IQCJ: variants seen among roughly 807,000 people sequenced by gnomAD.
IQCJ encodes the protein IQ domain-containing protein J.
In IQCJ, 9 loss-of-function variants were observed where a neutral mutation model predicts 11.0. The observed-to-expected ratio is 0.82, with a 90% CI of 0.49 to 1.43. The LOEUF (loss-of-function observed/expected upper bound fraction) is 1.43, where lower values mean the gene tolerates loss of function less well. Ranked by LOEUF, IQCJ falls within the 40% of genes most tolerant of loss-of-function variation. The probability of loss-of-function intolerance (pLI) is 0.00; values close to 1 mark genes in which losing one functional copy is unlikely to be tolerated. For missense variants in IQCJ, 146 were observed against 133.2 expected (o/e 1.10, Z -0.47); for synonymous variants, 55 against 51.3 (o/e 1.07, Z -0.31).
At chr3:159,152,752 A>C (rs1435254764) in intron 1 of IQCJ, among the ~76,000 whole-genome samples, 1 of 152,240 alleles carries the variant, frequency 6.6e-6, no homozygotes, top group Non-Finnish European at 1.5e-5. Context: ...TAAGGGAGAG[A>C]GAAAAATATA....
chr3:159,072,473 A>C (rs907273977), intron 1 of IQCJ, among the ~76,000 whole-genome samples: 38 of 152,150 alleles, frequency 2.5e-4, no homozygotes, highest in African/African-American at 8.9e-4. Context: ...AGTAAGAGGA[A>C]ATCAAATTTA....
chr3:159,069,632 C>T, intron 1 of IQCJ, 191 bp downstream of exon 1: 2 of 711,356 alleles, frequency 2.8e-6, no homozygotes, highest in Admixed American at 2.8e-5. Flanking sequence ...GGCATGTGTG[C>T]ATAAATATGT....
intron 1 of IQCJ, among the ~76,000 whole-genome samples, chr3:159,093,506 T>C (rs918350725): frequency 3.3e-5 from 5 of 151,848 alleles, no homozygotes; most frequent in Non-Finnish European, 5.9e-5. Context: ...GTTAGCTGTA[T>C]TGTGCCTTGC....
chr3:159,116,184 T>C (rs1418480718), intron 1 of IQCJ, among the ~76,000 whole-genome samples: 1 of 151,812 alleles, frequency 6.6e-6, no homozygotes, highest in East Asian at 1.9e-4. Context: ...TAGTAAGCCA[T>C]GTTAGTGCCA....
intron 1 of IQCJ, among the ~76,000 whole-genome samples, chr3:159,244,996 G>T (rs1727162695): frequency 6.6e-6 from 1 of 152,160 alleles, no homozygotes; most frequent in Non-Finnish European, 1.5e-5. Flanking sequence ...ATCCTGCCAT[G>T]ATTGATAAGA....
chr3:159,207,629 G>A (rs1040097569), intron 1 of IQCJ, among the ~76,000 whole-genome samples: 12 of 152,268 alleles, frequency 7.9e-5, no homozygotes, highest in African/African-American at 2.2e-4. Flanking sequence ...TCATATTCTC[G>A]TAGAAGTTGT....
chr3:159,091,859 GAA>G (rs1717334366), intron 1 of IQCJ, among the ~76,000 whole-genome samples: 1 of 151,780 alleles, frequency 6.6e-6, no homozygotes, highest in Non-Finnish European at 1.5e-5. Context: ...GAGAAAGGAG[GAA>G]AGAGTGGTGC....
At position 159,189,029 on chromosome 3, in the gene IQCJ, C is replaced by T. The variant is rs150487774; in HGVS notation, c.10-56814C>T. On this transcript the variant is annotated intron_variant, in intron 1 of 3. Coordinates refer to ENST00000397832, the MANE Select transcript of IQCJ (RefSeq NM_001042706.3). ...TGGGAGAGGGAATATTGTATTTAGC[C>T]TTTGGGGACTTCATGGCACATCTGA... Among the ~76,000 whole-genome samples the T allele has an allele frequency of 3.4e-3, 513 of 152,156 alleles. 1 individual carries two copies. Among genetic ancestry groups the T allele is most frequent in the Non-Finnish European group, 6.3e-3 (428 of 67,998 alleles).
intron 1 of IQCJ, among the ~76,000 whole-genome samples, chr3:159,147,694 AC>A (rs1720995658): frequency 6.6e-6 from 1 of 152,200 alleles, no homozygotes; most frequent in African/African-American, 2.4e-5. Flanking sequence ...CTGTTACCGA[AC>A]TTTTTTATCA....
chr3:159,221,667 A>T (rs889065625), intron 1 of IQCJ, among the ~76,000 whole-genome samples: 1 of 152,126 alleles, frequency 6.6e-6, no homozygotes, highest in Admixed American at 6.5e-5. Flanking sequence ...AAATTCTTCC[A>T]AGTTAAAAGA....
chr3:159,116,669 T>TATATATAC (rs1719040329), intron 1 of IQCJ, among the ~76,000 whole-genome samples: 2 of 24,106 alleles, frequency 8.3e-5, no homozygotes, highest in African/African-American at 3.6e-4. Flanking sequence ...TATATATATA[T>TATATATAC]ACACCCTTCA....
rs568993471 is a variant in IQCJ at position 159,093,842 on chromosome 3, A to C, written c.9+24401A>C. Among the ~76,000 whole-genome samples, 55 of 151,958 alleles carry C rather than the reference A, an allele frequency of 3.6e-4. 2 individuals are homozygous for C. Among genetic ancestry groups the C allele is most frequent in the African/African-American group, 1.3e-3 (53 of 41,230 alleles). ...CTTTATAAAACCATCAGATCTCCTG[A>C]GAACTTGCTCACTATCACAAGAACA... On this transcript the variant is annotated intron_variant, in intron 1 of 3. Transcript: ENST00000397832.
At chr3:159,256,291 T>G (rs1727891455) in intron 3 of IQCJ, among the ~76,000 whole-genome samples, 1 of 152,160 alleles carries the variant, frequency 6.6e-6, no homozygotes, top group Non-Finnish European at 1.5e-5. Flanking sequence ...CTCTCCTGAT[T>G]TTTATTATTA....
chr3:159,181,352 T>C (rs992307435), intron 1 of IQCJ, among the ~76,000 whole-genome samples: 1 of 149,328 alleles, frequency 6.7e-6, no homozygotes, highest in Non-Finnish European at 1.5e-5. Context: ...TGCTCTACTT[T>C]TGCTGGCATT....
rs923077085 is a variant in IQCJ, at chr3:159,254,590, A to T, written c.155+1783A>T. Among the ~76,000 whole-genome samples the T allele has an allele frequency of 3.3e-5, 5 of 152,266 alleles. No homozygotes were observed. In the East Asian group the frequency reaches 9.6e-4, roughly 29 times the overall value. ...GACTTTTGTCTGATGTGGTTATTAA[A>T]TTCTTAACTCTCATGGCAGGTTGAA... is the stretch of plus-strand genomic sequence containing the variant. On this transcript the variant is annotated intron_variant, in intron 3 of 3. Coordinates refer to ENST00000397832, the MANE Select transcript of IQCJ (RefSeq NM_001042706.3).
At chr3:159,227,739 C>G (rs1725942883) in intron 1 of IQCJ, among the ~76,000 whole-genome samples, 1 of 152,106 alleles carries the variant, frequency 6.6e-6, no homozygotes. Context: ...GAGCCTTTAC[C>G]CAAAGACTAT....
chr3:159,111,267 T>G (rs1718612430), intron 1 of IQCJ, among the ~76,000 whole-genome samples: 1 of 152,222 alleles, frequency 6.6e-6, no homozygotes, highest in African/African-American at 2.4e-5. Context: ...ATCGAAATGA[T>G]TTTCTAATTT....
chr3:159,232,601 T>A (rs1038726716), intron 1 of IQCJ, among the ~76,000 whole-genome samples: 13 of 152,020 alleles, frequency 8.6e-5, no homozygotes, highest in African/African-American at 3.1e-4. Context: ...TTGTTATGAC[T>A]TCTGTTCTTT....
At chr3:159,171,835 T>G (rs1464794896) in intron 1 of IQCJ, among the ~76,000 whole-genome samples, 1 of 152,214 alleles carries the variant, frequency 6.6e-6, no homozygotes, top group Admixed American at 6.5e-5. Context: ...CCAGAGGGTC[T>G]GATTTAGTAG....
Sources: allele counts gnomAD v4.1 joint callset (sites outside exome capture counted in the v4.1 genomes callset), GRCh38; gene constraint gnomAD v4.1.1; transcripts MANE v1.5; gene names NCBI Gene and HGNC (gene_info 2026-07-23, HGNC 2026-07-21).